The following NAV3 variants were observed in gnomAD, a reference collection of about 807,000 sequenced individuals.
The protein encoded by NAV3 is pore membrane and/or filament interacting like protein 1.
Under a neutral mutation model 244.7 loss-of-function variants are expected in NAV3, and 87 were observed. The ratio of observed to expected loss-of-function variants is 0.36; its 90% confidence interval spans 0.30 to 0.42. The LOEUF (loss-of-function observed/expected upper bound fraction) is 0.42. Ranked by LOEUF, NAV3 falls within the 20% of genes least tolerant of loss-of-function variation. The probability of loss-of-function intolerance (pLI) is 1.00; values close to 1 mark genes in which losing one functional copy is unlikely to be tolerated. For synonymous variants in NAV3, 1,126 were observed against 1,042.2 expected (o/e 1.08, Z -1.55); for missense variants, 2,663 against 2,893.3 (o/e 0.92, Z 1.83).
chr12:78,000,585 G>A (rs1593241335), intron 7 of NAV3, among the ~76,000 whole-genome samples: 1 of 132,048 alleles, frequency 7.6e-6, no homozygotes, highest in Non-Finnish European at 1.6e-5. Flanking sequence ...CTCACTGCAA[G>A]CTCCGCCTCC....
At chr12:77,575,765 A>G (rs957896678) in intron 2 of NAV3, among the ~76,000 whole-genome samples, 7 of 152,124 alleles carry the variant, frequency 4.6e-5, no homozygotes, top group African/African-American at 1.7e-4. Context: ...ACACTGTTTT[A>G]TTGCTCCATG....
chr12:78,193,777 G>A (rs1249231562), intron 34 of NAV3, among the ~76,000 whole-genome samples: 2 of 151,944 alleles, frequency 1.3e-5, no homozygotes, highest in African/African-American at 4.8e-5. Flanking sequence ...AGATTCCCAG[G>A]GGATCCACTA....
intron 28 of NAV3, among the ~76,000 whole-genome samples, chr12:78,178,370 A>T (rs1433050978): frequency 6.6e-6 from 1 of 151,910 alleles, no homozygotes; most frequent in African/African-American, 2.4e-5. Context: ...CATGTTGGCC[A>T]GGCTGGTCTC....
intron 2 of NAV3, among the ~76,000 whole-genome samples, chr12:77,609,568 G>A (rs1184366989): frequency 6.6e-6 from 1 of 151,994 alleles, no homozygotes; most frequent in Admixed American, 6.6e-5. Context: ...TTAAAAGTTA[G>A]CTTATAGGGC....
At chr12:77,781,755 T>G (rs1870672037) in intron 2 of NAV3, among the ~76,000 whole-genome samples, 1 of 152,166 alleles carries the variant, frequency 6.6e-6, no homozygotes, top group Non-Finnish European at 1.5e-5. Flanking sequence ...GAAGTTCAAT[T>G]AGGGAAGCAA....
intron 2 of NAV3, among the ~76,000 whole-genome samples, chr12:77,745,088 G>A (rs1420235586): frequency 4.0e-5 from 6 of 151,842 alleles, no homozygotes; most frequent in Non-Finnish European, 7.4e-5. Flanking sequence ...CACTAATGTC[G>A]CCTCATGTTA....
intron 1 of NAV3, among the ~76,000 whole-genome samples, chr12:77,847,118 C>T (rs1473992996): frequency 1.3e-5 from 2 of 152,130 alleles, no homozygotes; most frequent in African/African-American, 4.8e-5. Context: ...TGCTTCTCCT[C>T]TGTAAGACAG....
At chr12:78,158,104 T>A (rs1957382829) in intron 22 of NAV3, among the ~76,000 whole-genome samples, 1 of 152,180 alleles carries the variant, frequency 6.6e-6, no homozygotes, top group South Asian at 2.1e-4. Context: ...AGTAGGTGCC[T>A]CAGCATTTCC....
rs1873667612 is a variant in NAV3, at chr12:77,831,409, A to T, written c.-53A>T. The T allele has an allele frequency of 6.6e-7, 1 of 1,525,686 alleles. No homozygotes were observed. Among genetic ancestry groups the T allele is most frequent in the Non-Finnish European group, 8.8e-7 (1 of 1,139,672 alleles). The allele number at this position is 1,525,686 out of a possible 1,614,324, so 94.5% of individuals were successfully genotyped here. A position where few individuals can be genotyped will look rare whatever the true frequency, so the allele number is the denominator to read the frequency against. The stretch of plus-strand genomic sequence containing the variant: ...AAATACTAAAGTTGGAGTCTACCAG[A>T]CTGAGGTTAGAAGCATTTTCTTTGG... On this transcript the variant is annotated 5_prime_UTR_variant, in exon 1 of 40. Transcript: ENST00000397909.
intron 2 of NAV3, among the ~76,000 whole-genome samples, chr12:77,679,901 A>T (rs1470448606): frequency 6.6e-6 from 1 of 152,160 alleles, no homozygotes; most frequent in African/African-American, 2.4e-5. Context: ...TCAGTGGATC[A>T]GTGGGTAGGA....
At chr12:77,769,115 A>G (rs1180060860) in intron 2 of NAV3, among the ~76,000 whole-genome samples, 1 of 152,228 alleles carries the variant, frequency 6.6e-6, no homozygotes, top group Non-Finnish European at 1.5e-5. Context: ...GGAAAGGTTC[A>G]GTAATTTGCT....
At chr12:77,961,021 T>TA (rs1377766569) in intron 3 of NAV3, among the ~76,000 whole-genome samples, 1 of 146,524 alleles carries the variant, frequency 6.8e-6, no homozygotes, top group Non-Finnish European at 1.5e-5. Context: ...ATGTATATGT[T>TA]ACATGTATAC....
At chr12:77,643,531 T>C (rs967749933) in intron 2 of NAV3, among the ~76,000 whole-genome samples, 9 of 151,856 alleles carry the variant, frequency 5.9e-5, no homozygotes, top group Middle Eastern at 5.7e-3. Context: ...ATCATTCATT[T>C]AAATTAGTTT....
At position 78,198,630 on chromosome 12, in the gene NAV3, C is replaced by A; in HGVS notation, c.6472C>A (p.Gln2158Lys). The A allele has an allele frequency of 6.3e-7, 1 of 1,594,968 alleles. No homozygotes were observed. The highest frequency in any genetic ancestry group is 8.6e-7 in the Non-Finnish European group (1 of 1,169,548). Residue 2158 changes from glutamine to lysine, a missense_variant, in exon 36 of 40, where the codon CAG (glutamine) becomes AAG (lysine). Gln to Lys is a moderately conservative substitution (Grantham distance 53). Around this residue, in one of 6 missense-constraint regions of NAV3, gnomAD observed 543 missense variants for 672.4 expected, o/e 0.81. Transcript: ENST00000397909. Reference sequence around the variant, plus strand: ...TCCATATATTATTGGAACAATGAATCAGGGAGTTTCTTCATCACCAAATCT... The same window carrying A: ...TCCATATATTATTGGAACAATGAATAAGGGAGTTTCTTCATCACCAAATCT... Reference protein sequence around the residue: ...KCPYIIGTMNQGVSSSPNLEL... With the variant: ...KCPYIIGTMNKGVSSSPNLEL...
At chr12:77,797,494 C>T (rs1490037108) in intron 2 of NAV3, among the ~76,000 whole-genome samples, 2 of 148,046 alleles carry the variant, frequency 1.4e-5, no homozygotes, top group African/African-American at 5.0e-5. Flanking sequence ...CTCTTCTTTA[C>T]CTAAGTCTTA....
rs367767274 is a variant in NAV3, at chr12:78,185,595, T to G, written c.5693-6T>G. 9.8e-5 allele frequency: 157 copies of G among 1,606,326 alleles called. No individual in the cohort carries two copies. Among genetic ancestry groups the G allele is most frequent in the Middle Eastern group, 2.2e-4 (1 of 4,486 alleles). ...TTGTGTATGTCTTTCTTTTAAAATT[T>G]GATAGATATTTTGCTAGATGATGCT... is the stretch of plus-strand genomic sequence containing the variant. On this transcript the variant is annotated splice_region_variant and splice_polypyrimidine_tract_variant and intron_variant, in intron 30 of 39. Transcript: ENST00000397909.
At chr12:77,601,504 G>A (rs1180473180) in intron 2 of NAV3, among the ~76,000 whole-genome samples, 1 of 151,950 alleles carries the variant, frequency 6.6e-6, no homozygotes, top group South Asian at 2.1e-4. Flanking sequence ...GACTCTGTGA[G>A]CAAAGGCATC....
At chr12:77,595,104 T>C (rs541772312) in intron 2 of NAV3, among the ~76,000 whole-genome samples, 9 of 152,264 alleles carry the variant, frequency 5.9e-5, no homozygotes, top group African/African-American at 2.2e-4. Flanking sequence ...ATATCTGCAC[T>C]CCCATGTTGA....
intron 25 of NAV3, among the ~76,000 whole-genome samples, chr12:78,175,940 G>T (rs1405901484): frequency 6.6e-6 from 1 of 151,744 alleles, no homozygotes; most frequent in Non-Finnish European, 1.5e-5. Context: ...AGGAGAATGG[G>T]AGTTAATAAA....
Sources: gnomAD v4.1 joint callset for allele counts (sites outside exome capture counted in the v4.1 genomes callset) on GRCh38, gnomAD v4.1.1 for gene constraint, gnomAD v4.1.1 regional missense constraint, MANE v1.5 for transcripts, NCBI Gene and HGNC (gene_info 2026-07-23, HGNC 2026-07-21) for gene names.